WASHC5: variants seen among roughly 807,000 people sequenced by gnomAD.
The protein encoded by WASHC5 is WASH complex subunit 5.
A neutral mutation model predicts 150.4 loss-of-function variants in WASHC5; 101 were observed. The ratio of observed to expected loss-of-function variants is 0.67; its 90% confidence interval spans 0.57 to 0.79. WASHC5 has a LOEUF of 0.79. Ranked by LOEUF, WASHC5 falls within the 30% of genes least tolerant of loss-of-function variation. The pLI, the probability that WASHC5 is intolerant of heterozygous loss-of-function variation, is 0.00. For synonymous variants in WASHC5, 467 were observed against 491.2 expected, an observed-to-expected ratio of 0.95 and a Z score of 0.65; for missense variants, 1,195 against 1,396.3, an observed-to-expected ratio of 0.86 and a Z score of 2.30.
At chr8:125,078,434 C>T (rs1817127290) in intron 6 of WASHC5, among the ~76,000 whole-genome samples, 1 of 152,154 alleles carries the variant, frequency 6.6e-6, no homozygotes, top group African/African-American at 2.4e-5. Flanking sequence ...GTGATGGGTC[C>T]CCAGCATTGC....
chr8:125,060,763 T>G (rs996328393), intron 12 of WASHC5, among the ~76,000 whole-genome samples: 14 of 152,184 alleles, frequency 9.2e-5, no homozygotes, highest in African/African-American at 3.4e-4. Flanking sequence ...AAAAATGGTA[T>G]ACACATGCAA....
At chr8:125,037,214 C>A in intron 26 of WASHC5, 23 bp downstream of exon 26, 1 of 1,370,154 alleles carries the variant, frequency 7.3e-7, no homozygotes, top group East Asian at 2.3e-5. Context: ...TTACTCATTG[C>A]AAATAATAAA....
intron 8 of WASHC5, among the ~76,000 whole-genome samples, chr8:125,073,784 T>C (rs1816972699): frequency 6.6e-6 from 1 of 152,250 alleles, no homozygotes; most frequent in Non-Finnish European, 1.5e-5. Context: ...CTGGCTGTGA[T>C]TAAACTTTGG....
chr8:125,056,605 GACACA>G, intron 16 of WASHC5, 67 bp downstream of exon 16: 1 of 1,563,428 alleles, frequency 6.4e-7, no homozygotes. Flanking sequence ...TATGGCAGGT[GACACA>G]GGCCTGTGAT....
At chr8:125,079,473 G>A (rs991085718) in intron 5 of WASHC5, among the ~76,000 whole-genome samples, 3 of 151,978 alleles carry the variant, frequency 2.0e-5, no homozygotes, top group Non-Finnish European at 4.4e-5. Flanking sequence ...TTACAGGTGT[G>A]AGCCACTGTG....
In WASHC5 at chr8:125,030,822, C is replaced by G. The variant is rs989970007; in HGVS notation, c.3335+1419G>C. Reference sequence around the variant, plus strand: ...ATGGTCAAAAACAGACTGGAACACCCAGAAAAAGTCACTCACTATGGTGAG... The same window carrying G: ...ATGGTCAAAAACAGACTGGAACACCGAGAAAAAGTCACTCACTATGGTGAG... On this transcript the variant is annotated intron_variant, in intron 27 of 28. Coordinates refer to ENST00000318410, the MANE Select transcript of WASHC5 (RefSeq NM_014846.4). 3.3e-5 allele frequency among the ~76,000 whole-genome samples: 5 copies of G among 151,958 alleles called. No individual in the cohort carries two copies. The South Asian group carries it at 1.0e-3, about 32-fold the overall frequency.
intron 28 of WASHC5, among the ~76,000 whole-genome samples, chr8:125,027,768 AAATAG>A (rs1383044370): frequency 6.6e-6 from 1 of 152,244 alleles, no homozygotes; most frequent in East Asian, 1.9e-4. Flanking sequence ...ACTTATGGAA[AAATAG>A]AATAAAAAAG....
At chr8:125,062,463 G>A (rs367873523) in intron 11 of WASHC5, among the ~76,000 whole-genome samples, 2 of 152,260 alleles carry the variant, frequency 1.3e-5, no homozygotes, top group African/African-American at 2.4e-5. Flanking sequence ...GCAGCTAACC[G>A]GGTCAGATTG....
intron 5 of WASHC5, among the ~76,000 whole-genome samples, chr8:125,079,137 T>TATATATATATATATATATATAC (rs1817165554): frequency 7.7e-6 from 1 of 129,760 alleles, no homozygotes; most frequent in Non-Finnish European, 1.5e-5. Context: ...TATATATATA[T>TATATATATATATATATATATAC]ATACATTTTT....
intron 24 of WASHC5, among the ~76,000 whole-genome samples, chr8:125,039,478 T>C (rs1815819650): frequency 6.6e-6 from 1 of 152,184 alleles, no homozygotes; most frequent in African/African-American, 2.4e-5. Context: ...TATCTAGCAG[T>C]GTCTGGTGTG....
At chr8:125,032,479 G>A (rs1815571215) in intron 26 of WASHC5, 85 bp from the exon 27 acceptor site, 1 of 1,447,306 alleles carries the variant, frequency 6.9e-7, no homozygotes, top group Non-Finnish European at 9.7e-7. Flanking sequence ...AGGTCAAAAT[G>A]TTTGGGGCCC....
chr8:125,068,264 TACAA>T, intron 9 of WASHC5, among the ~76,000 whole-genome samples: 1 of 152,336 alleles, frequency 6.6e-6, no homozygotes. Flanking sequence ...TAAATGATTG[TACAA>T]ACAACGTTTT....
At chr8:125,040,421 A>C (rs1284256603) in intron 23 of WASHC5, among the ~76,000 whole-genome samples, 1 of 152,202 alleles carries the variant, frequency 6.6e-6, no homozygotes, top group East Asian at 1.9e-4. Context: ...AATCTACATA[A>C]AATCTTTCAC....
In WASHC5 at chr8:125,067,599, A is replaced by G; in HGVS notation, c.1271T>C (p.Leu424Pro). The G allele has an allele frequency of 1.2e-6, 2 of 1,611,006 alleles. No homozygotes were observed. The highest frequency in any genetic ancestry group is 1.7e-6 in the Non-Finnish European group (2 of 1,177,462). ...TCATTCAAATATTTTTACCTCTTTG[A>G]GTATAAACTCAAATTGTGCAGTATC... ...LLDTAQFEFI[L>P]KEMFKQMLSE... is the part of the protein sequence containing the mutation. Residue 424 changes from leucine to proline, a missense_variant, in exon 10 of 29, where the codon CTC (leucine) becomes CCC (proline). Around this residue, in one of 3 missense-constraint regions of WASHC5, gnomAD observed 997 missense variants for 1,168.1 expected, o/e 0.85. Transcript: ENST00000318410.
At chr8:125,069,694 T>C (rs916113192) in intron 9 of WASHC5, among the ~76,000 whole-genome samples, 7 of 152,202 alleles carry the variant, frequency 4.6e-5, no homozygotes, top group African/African-American at 1.7e-4. Context: ...TCAGTTTTCA[T>C]GGGAAACTGC....
chr8:125,068,151 G>C (rs1287729683), intron 9 of WASHC5, among the ~76,000 whole-genome samples: 1 of 152,204 alleles, frequency 6.6e-6, no homozygotes, highest in African/African-American at 2.4e-5. Flanking sequence ...TATCCCTAGA[G>C]AGGCCTGTTT....
chr8:125,071,338 G>A (rs764119861), intron 9 of WASHC5, among the ~76,000 whole-genome samples: 1 of 152,178 alleles, frequency 6.6e-6, no homozygotes, highest in Non-Finnish European at 1.5e-5. Flanking sequence ...ACCAGAGGTT[G>A]AAGCATTTCT....
intron 26 of WASHC5, among the ~76,000 whole-genome samples, chr8:125,033,365 A>G (rs1815597470): frequency 6.6e-6 from 1 of 152,140 alleles, no homozygotes; most frequent in African/African-American, 2.4e-5. Flanking sequence ...AAAAAGATAA[A>G]TCTTTTAACA....
intron 21 of WASHC5, 49 bp from the exon 22 acceptor site, chr8:125,044,143 A>G (rs1488625432): frequency 8.0e-7 from 1 of 1,247,006 alleles, no homozygotes. Context: ...TGAATTAAAC[A>G]AGCAAATTCT....
Sources: gnomAD v4.1 joint callset for allele counts (sites outside exome capture counted in the v4.1 genomes callset) on GRCh38, gnomAD v4.1.1 for gene constraint, gnomAD v4.1.1 regional missense constraint, MANE v1.5 for transcripts, NCBI Gene and HGNC (gene_info 2026-07-23, HGNC 2026-07-21) for gene names.